Variants in BIRC6 observed in about 807,000 individuals in gnomAD.
BIRC6 encodes the protein baculoviral IAP repeat containing 6.
Under a neutral mutation model 503.3 loss-of-function variants are expected in BIRC6, and 98 were observed. That is an observed-to-expected ratio of 0.19 (90% CI 0.17 to 0.23). The LOEUF (loss-of-function observed/expected upper bound fraction) is 0.23. BIRC6 is among the 10% of genes least tolerant of loss of function. The pLI, the probability that BIRC6 is intolerant of heterozygous loss-of-function variation, is 1.00. For missense variants in BIRC6, 5,360 were observed against 5,806.0 expected (o/e 0.92, Z 2.50); for synonymous variants, 2,240 against 2,078.7 (o/e 1.08, Z -2.11).
At chr2:32,528,888 G>A (rs891042671) in intron 59 of BIRC6, 2 of 151,864 alleles carry the variant, frequency 1.3e-5, no homozygotes, top group Non-Finnish European at 2.9e-5. Flanking sequence ...TAAATTTTGT[G>A]TTTCCACTTG....
At chr2:32,476,175 C>A in intron 33 of BIRC6, 38 bp from the exon 34 acceptor site, 1 of 1,477,110 alleles carries the variant, frequency 6.8e-7, no homozygotes, top group African/African-American at 1.4e-5. Flanking sequence ...TTGTTTTTAA[C>A]GTTGTTAAAG....
chr2:32,568,147 A>G lies in BIRC6; in HGVS notation c.13145-7009A>G, dbSNP rs542875372. Among the ~76,000 whole-genome samples the G allele has an allele frequency of 4.6e-5, 7 of 151,856 alleles. No homozygotes were observed. The South Asian group carries it at 6.3e-4, about 14-fold the overall frequency. ...CAAACAAGAATGGAGAAGGAGAGAA[A>G]TAGTCAAAAGAAACTATAGCCTTAA... is the stretch of plus-strand genomic sequence containing the variant. On this transcript the variant is annotated intron_variant, in intron 65 of 73. Transcript: ENST00000421745.
At position 32,518,395 on chromosome 2, in the gene BIRC6, C is replaced by G; in HGVS notation, c.11491C>G (p.Pro3831Ala). 2 of 1,606,058 alleles carry G rather than the reference C, an allele frequency of 1.2e-6. No individual in the cohort carries two copies. Among genetic ancestry groups the G allele is most frequent in the Non-Finnish European group, 1.7e-6 (2 of 1,178,164 alleles). ...GACAATGTTTCTTCAGTCTCCATGT[C>G]CAGTGAGTATTTAACACTTAATCAT... ...KVTMFLQSPC[P>A]LYKGRINATS... The change falls in exon 56 of 74, where the codon CCA (proline) becomes GCA (alanine). Residue 3831 changes from proline (P) to alanine (A), a missense_variant and splice_region_variant. Coordinates refer to ENST00000421745, the MANE Select transcript of BIRC6 (RefSeq NM_016252.4).
chr2:32,581,131 G>A (rs922618154), intron 66 of BIRC6, among the ~76,000 whole-genome samples: 8 of 152,330 alleles, frequency 5.3e-5, no homozygotes, highest in African/African-American at 1.9e-4. Context: ...AAGTCAAAAA[G>A]CATCTTAAAT....
In BIRC6 at chr2:32,357,145, T is replaced by G. The variant is rs2149013007; in HGVS notation, c.-17T>G. The G allele has an allele frequency of 6.7e-7, 1 of 1,481,714 alleles. No homozygotes were observed. Among genetic ancestry groups the G allele is most frequent in the South Asian group, 1.3e-5 (1 of 74,626 alleles). 91.8% of individuals were successfully genotyped at this position (1,481,714 alleles called of 1,614,324 possible). On this transcript the variant is annotated 5_prime_UTR_variant, in exon 1 of 74. Transcript: ENST00000421745. This position sits in a 1 kb window ranked among gnomAD's most constrained non-coding sequence, Gnocchi z 4.9. ...TTCACTTCCGGCTAACGCGCTCGGC[T>G]TGCCCCCTGGCCCCGGATGGTGACT...
chr2:32,550,012 C>A (rs935882005), intron 65 of BIRC6, among the ~76,000 whole-genome samples: 7 of 152,012 alleles, frequency 4.6e-5, no homozygotes, highest in Non-Finnish European at 1.0e-4. Context: ...TTATTATTTC[C>A]TTGGTTATGG....
intron 1 of BIRC6, among the ~76,000 whole-genome samples, chr2:32,359,332 G>A (rs1193076163): frequency 6.6e-6 from 1 of 152,160 alleles, no homozygotes; most frequent in East Asian, 1.9e-4. Flanking sequence ...TTTATGTCTG[G>A]AGGCCATGTT....
intron 34 of BIRC6, among the ~76,000 whole-genome samples, chr2:32,477,000 T>C (rs1225105604): frequency 6.6e-6 from 1 of 152,222 alleles, no homozygotes; most frequent in Non-Finnish European, 1.5e-5. Context: ...GAATTAATAT[T>C]TTGTACTTGA....
intron 42 of BIRC6, among the ~76,000 whole-genome samples, chr2:32,489,775 T>TTTGGAAACCATAGTATG (rs1403791342): frequency 6.6e-6 from 1 of 152,160 alleles, no homozygotes; most frequent in Non-Finnish European, 1.5e-5. Flanking sequence ...ATGCCTATGG[T>TTTGGAAACCATAGTATG]TTGGAAAGTA....
intron 65 of BIRC6, among the ~76,000 whole-genome samples, chr2:32,574,261 G>A (rs1455901077): frequency 6.7e-6 from 1 of 149,872 alleles, no homozygotes; most frequent in Non-Finnish European, 1.5e-5. Context: ...CTACAGGTGT[G>A]CGCCACCACG....
chr2:32,376,525 T>C (rs892042913), intron 1 of BIRC6, among the ~76,000 whole-genome samples: 6 of 152,234 alleles, frequency 3.9e-5, no homozygotes, highest in African/African-American at 1.4e-4. Flanking sequence ...AATGATCAAA[T>C]AGACTAATAT....
At chr2:32,591,765 CTGT>C (rs1294244692) in intron 66 of BIRC6, among the ~76,000 whole-genome samples, 1 of 152,200 alleles carries the variant, frequency 6.6e-6, no homozygotes, top group Non-Finnish European at 1.5e-5. Flanking sequence ...AAACAAGTTA[CTGT>C]TGTTTTCTTA....
chr2:32,362,299 A>G (rs1052687058), intron 1 of BIRC6, among the ~76,000 whole-genome samples: 2 of 147,812 alleles, frequency 1.4e-5, no homozygotes, highest in Non-Finnish European at 3.0e-5. Context: ...CTCTTTTTAT[A>G]TGTTTATTTG....
chr2:32,568,175 G>C (rs2059662596), intron 65 of BIRC6, among the ~76,000 whole-genome samples: 1 of 150,914 alleles, frequency 6.6e-6, no homozygotes, highest in Non-Finnish European at 1.5e-5. Context: ...AGCCTTAAAA[G>C]GTAAGTTTTA....
At position 32,531,433 on chromosome 2, in the gene BIRC6, A is replaced by C; in HGVS notation, c.12173A>C (p.Asp4058Ala). The C allele has an allele frequency of 6.2e-7, 1 of 1,613,920 alleles. No homozygotes were observed. The highest frequency in any genetic ancestry group is 8.5e-7 in the Non-Finnish European group (1 of 1,179,836). Residue 4058 changes from aspartate (D) to alanine (A), a missense_variant, in exon 61 of 74, where the codon GAT becomes GCT. Physicochemically the swap from Asp to Ala is moderately radical, Grantham distance 126. Around this residue, in one of 16 missense-constraint regions of BIRC6, gnomAD observed 878 missense variants for 928.9 expected, o/e 0.95. Coordinates refer to ENST00000421745, the MANE Select transcript of BIRC6 (RefSeq NM_016252.4). ...GATGAATGCATGGATGGGATACTGG[A>C]TGAATCTTTGCTTGAAACCTGTCCA... is the stretch of plus-strand genomic sequence containing the variant. ...PGDECMDGIL[D>A]ESLLETCPIQ... is the part of the protein sequence containing the mutation.
At chr2:32,394,431 T>G (rs1476793106) in intron 5 of BIRC6, among the ~76,000 whole-genome samples, 2 of 152,170 alleles carry the variant, frequency 1.3e-5, no homozygotes, top group Admixed American at 1.3e-4. Flanking sequence ...TAGCATTTTG[T>G]CCTATGTTGT....
intron 25 of BIRC6, 38 bp from the exon 26 acceptor site, chr2:32,465,027 C>CAATATA: frequency 7.3e-7 from 1 of 1,368,048 alleles, no homozygotes; most frequent in South Asian, 1.3e-5. Flanking sequence ...ATAGTAATAT[C>CAATATA]AATATAAAGT....
chr2:32,458,844 C>T (rs1215817072), intron 23 of BIRC6, among the ~76,000 whole-genome samples: 6 of 151,738 alleles, frequency 4.0e-5, no homozygotes, highest in African/African-American at 1.5e-4. Flanking sequence ...AGACATGCAC[C>T]ACCATCAGTG....
chr2:32,478,864 C>G (rs1222031730), intron 36 of BIRC6, 46 bp downstream of exon 36: 6 of 1,562,930 alleles, frequency 3.8e-6, no homozygotes, highest in Non-Finnish European at 5.3e-6. Flanking sequence ...ATTACCTTGT[C>G]ATTGCTCAAC....
Sources: gnomAD v4.1 joint callset for allele counts (sites outside exome capture counted in the v4.1 genomes callset) on GRCh38, gnomAD v4.1.1 for gene constraint, gnomAD v4.1.1 regional missense constraint, Gnocchi (gnomAD v3.1) non-coding constraint, MANE v1.5 for transcripts, NCBI Gene and HGNC (gene_info 2026-07-23, HGNC 2026-07-21) for gene names.